GSK3B: variants seen among roughly 807,000 people sequenced by gnomAD.
GSK3B encodes glycogen synthase kinase-3 beta.
Under a neutral mutation model 56.4 loss-of-function variants are expected in GSK3B, and 15 were observed. The observed-to-expected ratio is 0.27, with a 90% CI of 0.18 to 0.41. The LOEUF (loss-of-function observed/expected upper bound fraction) is 0.41. Ranked by LOEUF, GSK3B falls within the 10% of genes least tolerant of loss-of-function variation. The pLI, the probability that GSK3B is intolerant of heterozygous loss-of-function variation, is 1.00. For missense variants in GSK3B, 300 were observed against 513.4 expected (o/e 0.58, Z 4.02); for synonymous variants, 181 against 188.9 (o/e 0.96, Z 0.34).
rs1171714363 is a variant in GSK3B, at chr3:119,823,576, G to A, written c.*3212C>T. On this transcript the variant is annotated 3_prime_UTR_variant, in exon 11 of 11. Transcript: ENST00000264235. ...CTGCTGTTTTTAAGACCCATGGTTA[G>A]GGCTTGTGGAAGAGACGAGCAAAAT... 1 of 186,018 alleles carries A rather than the reference G, an allele frequency of 5.4e-6. No homozygotes were observed. The highest frequency in any genetic ancestry group is 8.7e-5 in the East Asian group (1 of 11,558). The allele number at this position is 186,018 out of a possible 1,614,324, so 11.5% of individuals were successfully genotyped here.
At chr3:120,057,705 T>C (rs566978642) in intron 1 of GSK3B, among the ~76,000 whole-genome samples, 3 of 152,310 alleles carry the variant, frequency 2.0e-5, no homozygotes, top group East Asian at 1.9e-4. Flanking sequence ...CTAGAAATTT[T>C]AGGTATGTTC....
intron 2 of GSK3B, among the ~76,000 whole-genome samples, chr3:119,952,388 G>A (rs939994064): frequency 9.3e-5 from 14 of 151,322 alleles, no homozygotes; most frequent in African/African-American, 2.7e-4. Context: ...CTCGGGAGGC[G>A]GAGGCAGGAG....
At chr3:120,064,666 A>G (rs2058265063) in intron 1 of GSK3B, among the ~76,000 whole-genome samples, 2 of 152,154 alleles carry the variant, frequency 1.3e-5, no homozygotes, top group Non-Finnish European at 2.9e-5. Context: ...CAATCCTAAA[A>G]TATATATGAA....
At chr3:120,074,937 A>G (rs2058356796) in intron 1 of GSK3B, among the ~76,000 whole-genome samples, 1 of 152,214 alleles carries the variant, frequency 6.6e-6, no homozygotes, top group Non-Finnish European at 1.5e-5. Flanking sequence ...CAAAAACATT[A>G]CAAGAAAATA....
chr3:119,928,186 G>T (rs1003015033), intron 3 of GSK3B, among the ~76,000 whole-genome samples: 1 of 152,172 alleles, frequency 6.6e-6, no homozygotes, highest in African/African-American at 2.4e-5. Flanking sequence ...ACTGGGAGTT[G>T]GTAACTCAAG....
chr3:119,958,575 G>T (rs984160543), intron 2 of GSK3B, among the ~76,000 whole-genome samples: 1 of 152,082 alleles, frequency 6.6e-6, no homozygotes, highest in East Asian at 1.9e-4. Flanking sequence ...CTACTCGGGA[G>T]ACTGAGGTGG....
intron 2 of GSK3B, among the ~76,000 whole-genome samples, chr3:119,955,815 G>T (rs2057208334): frequency 6.6e-6 from 1 of 152,006 alleles, no homozygotes; most frequent in South Asian, 2.1e-4. Context: ...CACCACGCCT[G>T]CCTAATTTTG....
rs2055410083 is a variant in GSK3B, at chr3:119,821,620, G to A, written c.*5168C>T. 1 of 152,208 alleles carries A rather than the reference G, an allele frequency of 6.6e-6. No homozygotes were observed. The highest frequency in any genetic ancestry group is 1.5e-5 in the Non-Finnish European group (1 of 68,062). The allele number at this position is 152,208 out of a possible 1,614,324, so 9.4% of individuals were successfully genotyped here. ...AGAAAATACAGCCACACCAAATCAT[G>A]AACACAGTAATCAAAGACAGCAGCT... On this transcript the variant is annotated 3_prime_UTR_variant, in exon 11 of 11. Coordinates refer to ENST00000264235, the MANE Select transcript of GSK3B (RefSeq NM_001146156.2).
At chr3:119,981,282 C>T (rs901344999) in intron 2 of GSK3B, among the ~76,000 whole-genome samples, 19 of 152,218 alleles carry the variant, frequency 1.2e-4, no homozygotes, top group Admixed American at 3.3e-4. Flanking sequence ...GCATGATCGA[C>T]GCAGAAGACG....
chr3:119,832,463 T>TG (rs961609601), intron 10 of GSK3B, among the ~76,000 whole-genome samples: 14 of 152,246 alleles, frequency 9.2e-5, no homozygotes, highest in South Asian at 2.1e-4. Flanking sequence ...AGCTAAATGT[T>TG]GGGGGGGTAA....
intron 1 of GSK3B, among the ~76,000 whole-genome samples, chr3:120,014,310 A>T (rs1479745932): frequency 6.6e-6 from 1 of 152,064 alleles, no homozygotes; most frequent in African/African-American, 2.4e-5. Flanking sequence ...AAAAGCAAAG[A>T]TGTTCTCCCC....
chr3:119,886,378 G>C (rs1208270289), intron 7 of GSK3B, among the ~76,000 whole-genome samples: 1 of 151,980 alleles, frequency 6.6e-6, no homozygotes, highest in Non-Finnish European at 1.5e-5. Context: ...TAATTAAAAA[G>C]TAAAAAAACA....
chr3:119,853,240 T>C (rs2055964221), intron 9 of GSK3B, among the ~76,000 whole-genome samples: 1 of 152,176 alleles, frequency 6.6e-6, no homozygotes, highest in African/African-American at 2.4e-5. Context: ...TTGTAGATTG[T>C]GATATTATTT....
intron 1 of GSK3B, among the ~76,000 whole-genome samples, chr3:120,010,381 TCA>T (rs1042596334): frequency 6.6e-6 from 1 of 152,194 alleles, no homozygotes; most frequent in Non-Finnish European, 1.5e-5. Context: ...AAAAACAGAA[TCA>T]CAGTCTTCTG....
At position 119,827,608 on chromosome 3, in the gene GSK3B, A is replaced by ATAG. The variant is rs56254723; in HGVS notation, c.1196-754_1196-753insCTA. On this transcript the variant is annotated intron_variant, in intron 10 of 10. Transcript: ENST00000264235. The stretch of plus-strand genomic sequence containing the variant: ...TTTAAAAAAAAAAAAAAAAAAAAAA[A>ATAG]AGAGAGAGAGAGAGAAGAAAGAAAA... Among the ~76,000 whole-genome samples, 4 of 94,630 alleles carry ATAG rather than the reference A, an allele frequency of 4.2e-5. 1 individual carries two copies. Among genetic ancestry groups the ATAG allele is most frequent in the South Asian group, 6.4e-4 (2 of 3,110 alleles). 62.1% of individuals were successfully genotyped at this position (94,630 alleles called of 152,430 possible). A position where few individuals can be genotyped will look rare whatever the true frequency, so the allele number is the denominator to read the frequency against.
chr3:120,063,381 CT>C (rs2107555010), intron 1 of GSK3B, among the ~76,000 whole-genome samples: 1 of 152,326 alleles, frequency 6.6e-6, no homozygotes, highest in East Asian at 1.9e-4. Context: ...TCCCATCAAA[CT>C]TTCCCTATTT....
At chr3:120,080,401 G>T (rs78535039) in intron 1 of GSK3B, among the ~76,000 whole-genome samples, 4 of 151,902 alleles carry the variant, frequency 2.6e-5, no homozygotes, top group African/African-American at 9.7e-5. Flanking sequence ...AAAAAAAAAA[G>T]AAGTTGTATT....
intron 9 of GSK3B, among the ~76,000 whole-genome samples, chr3:119,846,112 C>CTGGACCCCTTCCTTAT (rs2055851876): frequency 6.6e-6 from 1 of 152,168 alleles, no homozygotes; most frequent in Admixed American, 6.5e-5. Flanking sequence ...AAGACTGAAA[C>CTGGACCCCTTCCTTAT]TGGACCCCTT....
intron 1 of GSK3B, among the ~76,000 whole-genome samples, chr3:120,042,720 T>C (rs1235703129): frequency 6.6e-6 from 1 of 152,228 alleles, no homozygotes; most frequent in African/African-American, 2.4e-5. Context: ...CTCATATCAT[T>C]AAAAAGCTAT....
Sources: allele counts gnomAD v4.1 joint callset (sites outside exome capture counted in the v4.1 genomes callset), GRCh38; gene constraint gnomAD v4.1.1; transcripts MANE v1.5; gene names NCBI Gene and HGNC (gene_info 2026-07-23, HGNC 2026-07-21).